TMEM132C: variants seen among roughly 807,000 people sequenced by gnomAD.
TMEM132C encodes the protein transmembrane protein 132C, also known as protein phosphatase 1, regulatory subunit 152.
TMEM132C carries 29 observed loss-of-function variants against 61.4 expected under a neutral mutation model. The ratio of observed to expected loss-of-function variants is 0.47; its 90% confidence interval spans 0.35 to 0.64. The LOEUF is 0.64. TMEM132C is among the 30% of genes least tolerant of loss of function. The pLI is 0.00. For synonymous variants in TMEM132C, 656 were observed against 633.1 expected, an observed-to-expected ratio of 1.04 and a Z score of -0.54; for missense variants, 1,408 against 1,476.9, an observed-to-expected ratio of 0.95 and a Z score of 0.76.
At chr12:128,348,240 C>G (rs1375355000) in intron 1 of TMEM132C, among the ~76,000 whole-genome samples, 1 of 152,140 alleles carries the variant, frequency 6.6e-6, no homozygotes, top group Admixed American at 6.5e-5. Flanking sequence ...TTGGATTGTT[C>G]ATTGTATCAT....
At chr12:128,597,442 T>C (rs961532107) in intron 3 of TMEM132C, among the ~76,000 whole-genome samples, 4 of 151,242 alleles carry the variant, frequency 2.6e-5, no homozygotes, top group Admixed American at 2.0e-4. Context: ...AGTGCCACTG[T>C]ACTCCAGCCT....
chr12:128,576,641 A>G (rs1351973551), intron 3 of TMEM132C, among the ~76,000 whole-genome samples: 1 of 152,200 alleles, frequency 6.6e-6, no homozygotes, highest in Admixed American at 6.5e-5. Context: ...TAATCGTCAC[A>G]TCCATCCTCT....
At chr12:128,294,615 C>CAG (rs1871345372) in intron 1 of TMEM132C, among the ~76,000 whole-genome samples, 2 of 152,128 alleles carry the variant, frequency 1.3e-5, no homozygotes, top group Non-Finnish European at 2.9e-5. Flanking sequence ...TTCCAGAGCC[C>CAG]AGAGATCCAA....
intron 5 of TMEM132C, among the ~76,000 whole-genome samples, chr12:128,690,211 G>A (rs979617103): frequency 6.6e-6 from 1 of 152,226 alleles, no homozygotes; most frequent in Admixed American, 6.5e-5. Flanking sequence ...ATATCAGAGT[G>A]AGTGGAGTTC....
chr12:128,580,360 G>A (rs1875286491), intron 3 of TMEM132C, among the ~76,000 whole-genome samples: 1 of 152,122 alleles, frequency 6.6e-6, no homozygotes. Flanking sequence ...GGTGGAGCTT[G>A]CAGTGAGCAG....
chr12:128,292,831 T>G lies in TMEM132C; in HGVS notation c.85+25344T>G, dbSNP rs76922616. ...TGGATCATGACACAGTGGAATTAAC[T>G]TGATAGACTGTTGCTGTCAGCAGTT... On this transcript the variant is annotated intron_variant, in intron 1 of 8. Coordinates refer to ENST00000435159, the MANE Select transcript of TMEM132C (RefSeq NM_001136103.3). Among the ~76,000 whole-genome samples the G allele has an allele frequency of 2.6e-3, 390 of 152,268 alleles. 8 individuals are homozygous for G. In the East Asian group the frequency reaches 0.047, roughly 18 times the overall value.
chr12:128,396,509 C>G (rs1617081), intron 1 of TMEM132C, among the ~76,000 whole-genome samples: 57,275 of 151,698 alleles, frequency 0.38, 12,151 homozygotes, highest in African/African-American at 0.58. Flanking sequence ...CACCATGGCA[C>G]ATGTATACCT....
At chr12:128,327,551 T>G (rs571588370) in intron 1 of TMEM132C, among the ~76,000 whole-genome samples, 1 of 151,942 alleles carries the variant, frequency 6.6e-6, no homozygotes, top group South Asian at 2.1e-4. Flanking sequence ...CCCGGCTAAT[T>G]TTTTTATATT....
intron 1 of TMEM132C, among the ~76,000 whole-genome samples, chr12:128,291,253 A>G (rs572345534): frequency 1.3e-5 from 2 of 152,326 alleles, no homozygotes; most frequent in African/African-American, 4.8e-5. Flanking sequence ...GAGTCATGAC[A>G]CAAATGAAGT....
chr12:128,296,476 G>A lies in TMEM132C; in HGVS notation c.85+28989G>A, dbSNP rs117682657. The stretch of plus-strand genomic sequence containing the variant: ...GGTATTTAGGGTACACAGTTTATAT[G>A]TTTATGGCTAGAAGGAGTGGCCAGC... On this transcript the variant is annotated intron_variant, in intron 1 of 8. Coordinates refer to ENST00000435159, the MANE Select transcript of TMEM132C (RefSeq NM_001136103.3). Among the ~76,000 whole-genome samples, 193 of 152,270 alleles carry A rather than the reference G, an allele frequency of 1.3e-3. 2 individuals are homozygous for A. In the East Asian group the frequency reaches 0.036, roughly 28 times the overall value.
In TMEM132C at chr12:128,386,788, G is replaced by A. The variant is rs575222450; in HGVS notation, c.86-27944G>A. Among the ~76,000 whole-genome samples the A allele has an allele frequency of 2.6e-4, 39 of 152,264 alleles. No homozygotes were observed. In the South Asian group the frequency reaches 7.5e-3, roughly 29 times the overall value. On this transcript the variant is annotated intron_variant, in intron 1 of 8. Coordinates refer to ENST00000435159, the MANE Select transcript of TMEM132C (RefSeq NM_001136103.3). ...GCTCTGCTAGATCAGGTCCTGATGCGTAGTAGATGCTCAGTATTTGTTGAG... is the reference window on the plus strand; with the variant it reads ...GCTCTGCTAGATCAGGTCCTGATGCATAGTAGATGCTCAGTATTTGTTGAG...
At chr12:128,676,557 T>C (rs971669479) in intron 5 of TMEM132C, among the ~76,000 whole-genome samples, 1 of 152,248 alleles carries the variant, frequency 6.6e-6, no homozygotes, top group Non-Finnish European at 1.5e-5. Context: ...ATTTTGGTAA[T>C]CATTTCTTAC....
intron 3 of TMEM132C, among the ~76,000 whole-genome samples, chr12:128,607,913 C>T (rs374593018): frequency 3.9e-5 from 6 of 152,106 alleles, no homozygotes; most frequent in African/African-American, 1.4e-4. Flanking sequence ...GGCATTGACT[C>T]CAAAGCTTGT....
At chr12:128,390,908 G>A (rs2135999501) in intron 1 of TMEM132C, among the ~76,000 whole-genome samples, 1 of 152,294 alleles carries the variant, frequency 6.6e-6, no homozygotes, top group Non-Finnish European at 1.5e-5. Context: ...GTTGCTTTTA[G>A]AATCAGATCA....
At position 128,415,689 on chromosome 12, in the gene TMEM132C, A is replaced by G. The variant is rs1868757763; in HGVS notation, c.974+69A>G. ...TGTGAGACTGGGTTCCATGCGTGGCAGATAGATATTCAGGAAGCATCGATT... is the reference window on the plus strand; with the variant it reads ...TGTGAGACTGGGTTCCATGCGTGGCGGATAGATATTCAGGAAGCATCGATT... On this transcript the variant is annotated intron_variant, in intron 2 of 8. Coordinates refer to ENST00000435159, the MANE Select transcript of TMEM132C (RefSeq NM_001136103.3). The surrounding 1 kb of genome is among the most constrained non-coding windows in gnomAD (Gnocchi z 5.8). 7.0e-6 allele frequency: 10 copies of G among 1,434,084 alleles called. No individual in the cohort carries two copies. The South Asian group carries it at 1.5e-4, about 21-fold the overall frequency. The allele number at this position is 1,434,084 out of a possible 1,614,324, so 88.8% of individuals were successfully genotyped here.
At chr12:128,677,981 C>T (rs927485070) in intron 5 of TMEM132C, among the ~76,000 whole-genome samples, 1 of 152,178 alleles carries the variant, frequency 6.6e-6, no homozygotes, top group African/African-American at 2.4e-5. Context: ...CTTGGGCTCC[C>T]GTCAGCACTA....
intron 1 of TMEM132C, among the ~76,000 whole-genome samples, chr12:128,353,709 G>C (rs540622394): frequency 5.3e-5 from 8 of 152,256 alleles, no homozygotes; most frequent in African/African-American, 1.9e-4. Context: ...TGCTGTCTCT[G>C]CCTTGGCTCT....
At chr12:128,324,751 C>T (rs980666913) in intron 1 of TMEM132C, among the ~76,000 whole-genome samples, 6 of 152,002 alleles carry the variant, frequency 3.9e-5, no homozygotes. Flanking sequence ...TTCCCAGAGC[C>T]CAGGAGGTTG....
intron 2 of TMEM132C, among the ~76,000 whole-genome samples, chr12:128,469,486 T>A (rs1870859779): frequency 6.6e-6 from 1 of 151,924 alleles, no homozygotes; most frequent in Admixed American, 6.6e-5. Flanking sequence ...CAGCTAACTT[T>A]CTGTATGTTT....
Sources: gnomAD v4.1 joint callset for allele counts (sites outside exome capture counted in the v4.1 genomes callset) on GRCh38, gnomAD v4.1.1 for gene constraint, Gnocchi (gnomAD v3.1) non-coding constraint, MANE v1.5 for transcripts, NCBI Gene and HGNC (gene_info 2026-07-23, HGNC 2026-07-21) for gene names.